Variants in CDK13 observed in about 807,000 individuals in gnomAD.
CDK13 encodes cyclin-dependent kinase 13.
Under a neutral mutation model 137.6 loss-of-function variants are expected in CDK13, and 40 were observed. That is an observed-to-expected ratio of 0.29 (90% CI 0.23 to 0.38). The LOEUF is 0.38. CDK13 is among the 10% of genes least tolerant of loss of function. CDK13 has a pLI of 1.00. For missense variants in CDK13, 1,704 were observed against 1,951.8 expected, an observed-to-expected ratio of 0.87 and a Z score of 2.39; for synonymous variants, 869 against 760.1, an observed-to-expected ratio of 1.14 and a Z score of -2.36.
intron 4 of CDK13, among the ~76,000 whole-genome samples, chr7:40,000,965 A>C (rs1467221584): frequency 6.6e-6 from 1 of 152,092 alleles, no homozygotes; most frequent in Non-Finnish European, 1.5e-5. Flanking sequence ...ATTATGTGGC[A>C]ATTTAGTGTA....
intron 1 of CDK13, chr7:39,984,023 G>A (rs967701229): frequency 6.6e-6 from 1 of 152,144 alleles, no homozygotes; most frequent in Non-Finnish European, 1.5e-5. Context: ...TGTTGAATTT[G>A]TGTTTGAGTT....
chr7:40,057,917 A>T (rs1734640312), intron 7 of CDK13, among the ~76,000 whole-genome samples: 2 of 152,092 alleles, frequency 1.3e-5, no homozygotes, highest in African/African-American at 4.8e-5. Flanking sequence ...GTTTATTGTT[A>T]TGTAGTTATG....
At chr7:39,992,161 A>AT (rs1784472915) in intron 2 of CDK13, among the ~76,000 whole-genome samples, 1 of 51,172 alleles carries the variant, frequency 2.0e-5, no homozygotes. Context: ...AGAACTAATG[A>AT]GGGTGTGTGT....
intron 1 of CDK13, among the ~76,000 whole-genome samples, chr7:39,981,692 T>C (rs1474085278): frequency 2.0e-5 from 3 of 152,164 alleles, no homozygotes; most frequent in African/African-American, 4.8e-5. Flanking sequence ...GAAGGAACTT[T>C]TGTAGAGAAA....
intron 1 of CDK13, among the ~76,000 whole-genome samples, chr7:39,965,257 C>G (rs1562701407): frequency 6.6e-6 from 1 of 151,438 alleles, no homozygotes; most frequent in Non-Finnish European, 1.5e-5. Flanking sequence ...GTGTGGGAGT[C>G]TCTCTTTGTA....
intron 5 of CDK13, among the ~76,000 whole-genome samples, chr7:40,029,559 A>C (rs1785320597): frequency 6.6e-6 from 1 of 152,040 alleles, no homozygotes; most frequent in Non-Finnish European, 1.5e-5. Context: ...GTCTCTACTA[A>C]AAATACAAAA....
intron 9 of CDK13, among the ~76,000 whole-genome samples, chr7:40,064,708 A>G (rs1786238003): frequency 1.3e-5 from 2 of 151,918 alleles, no homozygotes; most frequent in Admixed American, 1.3e-4. Flanking sequence ...CAGTTGCCTC[A>G]CTTTTAATAA....
intron 4 of CDK13, 87 bp from the exon 5 acceptor site, chr7:40,001,774 G>C: frequency 1.2e-6 from 1 of 849,914 alleles, no homozygotes; most frequent in Non-Finnish European, 1.9e-6. Flanking sequence ...AATAAGAACA[G>C]AATTGAATTA....
intron 7 of CDK13, chr7:40,049,181 A>C (rs1202828078): frequency 2.5e-5 from 1 of 39,950 alleles, no homozygotes; most frequent in Admixed American, 2.1e-4. Context: ...ACTGTCTCCA[A>C]AAAAAAAAAA....
At chr7:40,002,284 C>T (rs1013550300) in intron 5 of CDK13, 4 of 244,802 alleles carry the variant, frequency 1.6e-5, no homozygotes, top group Non-Finnish European at 3.1e-5. Flanking sequence ...TATTGGGCAT[C>T]AGTGTATAGT....
chr7:40,079,279 C>T (rs867996492), intron 11 of CDK13, among the ~76,000 whole-genome samples: 8 of 152,260 alleles, frequency 5.3e-5, no homozygotes, highest in Non-Finnish European at 8.8e-5. Context: ...ATTAGCCAGA[C>T]GTGGTGGCAG....
chr7:39,990,520 T>C (rs1325254109), intron 2 of CDK13, among the ~76,000 whole-genome samples: 1 of 152,210 alleles, frequency 6.6e-6, no homozygotes, highest in Non-Finnish European at 1.5e-5. Flanking sequence ...AAAAATGTAT[T>C]GTAAAAAGAA....
intron 1 of CDK13, among the ~76,000 whole-genome samples, chr7:39,962,714 A>G (rs902304507): frequency 2.0e-5 from 3 of 152,296 alleles, no homozygotes; most frequent in East Asian, 1.9e-4. Context: ...GCCCATGCCT[A>G]TGTCCTGAAT....
At chr7:40,006,585 G>A (rs1475995638) in intron 5 of CDK13, among the ~76,000 whole-genome samples, 5 of 152,072 alleles carry the variant, frequency 3.3e-5, no homozygotes, top group Non-Finnish European at 7.4e-5. Context: ...TGGCTGAGGC[G>A]GGCGGATCAC....
chr7:40,068,707 G>GAAAAAAAAAAAAA, intron 9 of CDK13, among the ~76,000 whole-genome samples: 1 of 47,082 alleles, frequency 2.1e-5, no homozygotes, highest in Non-Finnish European at 3.9e-5. Context: ...CTATGTCTCA[G>GAAAAAAAAAAAAA]AAAAAAAAAA....
chr7:39,973,791 C>G (rs1168779000), intron 1 of CDK13, among the ~76,000 whole-genome samples: 3 of 152,152 alleles, frequency 2.0e-5, no homozygotes, highest in Non-Finnish European at 4.4e-5. Context: ...TAGCTTCATT[C>G]TTTTGTGTGT....
intron 7 of CDK13, among the ~76,000 whole-genome samples, chr7:40,057,814 T>C (rs1296760299): frequency 6.6e-6 from 1 of 152,160 alleles, no homozygotes; most frequent in African/African-American, 2.4e-5. Flanking sequence ...ACTGTGATGA[T>C]AGAGGAATTT....
chr7:40,059,804 ATGTT>A (rs1160004991), intron 7 of CDK13, among the ~76,000 whole-genome samples: 4 of 152,202 alleles, frequency 2.6e-5, no homozygotes, highest in African/African-American at 7.2e-5. Context: ...ATCAGTCTGA[ATGTT>A]TGTTTGCTTC....
At position 40,092,687 on chromosome 7, in the gene CDK13, A is replaced by AAT. The variant is rs1786951761; in HGVS notation, c.3236-91_3236-90dup. The AAT allele has an allele frequency of 3.8e-6, 3 of 788,070 alleles. No homozygotes were observed. In the South Asian group the frequency reaches 5.3e-5, roughly 14 times the overall value. 48.8% of individuals were successfully genotyped at this position (788,070 alleles called of 1,614,324 possible). ...AGTATTTCTTAAATACTCTCCCTCA[A>AAT]ATATATATTTTCATATGGTAATACA... On this transcript the variant is annotated intron_variant, in intron 12 of 13. Coordinates refer to ENST00000181839, the MANE Select transcript of CDK13 (RefSeq NM_003718.5).
Sources: gnomAD v4.1 joint callset for allele counts (sites outside exome capture counted in the v4.1 genomes callset) on GRCh38, gnomAD v4.1.1 for gene constraint, MANE v1.5 for transcripts, NCBI Gene and HGNC (gene_info 2026-07-23, HGNC 2026-07-21) for gene names.